Variants in PLEKHA6 observed in about 807,000 individuals in gnomAD.
The protein encoded by PLEKHA6 is pleckstrin homology domain containing A6.
A neutral mutation model predicts 116.7 loss-of-function variants in PLEKHA6; 60 were observed. That is an observed-to-expected ratio of 0.51 (90% confidence interval 0.42 to 0.64). The LOEUF (loss-of-function observed/expected upper bound fraction) is 0.64. PLEKHA6 is among the 30% of genes least tolerant of loss of function. PLEKHA6 has a pLI of 0.00. For synonymous variants in PLEKHA6, 489 were observed against 556.1 expected (o/e 0.88, Z 1.70); for missense variants, 1,338 against 1,422.7 (o/e 0.94, Z 0.96).
intron 1 of PLEKHA6, among the ~76,000 whole-genome samples, chr1:204,329,781 C>A (rs181220129): frequency 6.6e-6 from 1 of 151,992 alleles, no homozygotes; most frequent in East Asian, 1.9e-4. Context: ...AAGCTGCATG[C>A]AGTGACTCAT....
rs749636987 is a variant in PLEKHA6, at chr1:204,228,772, C to T, written c.2841G>A (p.Lys947=). The T allele has an allele frequency of 1.8e-5, 29 of 1,614,004 alleles. No individual in the cohort carries two copies. The highest frequency in any genetic ancestry group is 2.5e-5 in the Non-Finnish European group (29 of 1,179,934). Residue 947 remains lysine, a synonymous_variant, in exon 20 of 23, where the codon AAG becomes AAA. Coordinates refer to ENST00000272203, the MANE Select transcript of PLEKHA6 (RefSeq NM_014935.5). This position sits in a 1 kb window ranked among gnomAD's most constrained non-coding sequence, Gnocchi z 4.0. ...TPLSPEELKE[K]QKKVERIKTL... ...TCTTGATCCTCTCCACCTTCTTCTGCTTCTCCTTCAACTCCTCAGGGCTCA... is the reference window on the plus strand; with the variant it reads ...TCTTGATCCTCTCCACCTTCTTCTGTTTCTCCTTCAACTCCTCAGGGCTCA...
At chr1:204,362,759 T>C (rs1424337365), upstream of PLEKHA6, among the ~76,000 whole-genome samples, 1 of 152,160 alleles carries the variant, frequency 6.6e-6, no homozygotes, top group Non-Finnish European at 1.5e-5. Flanking sequence ...GTTGCCCAGA[T>C]TGGTCTCCAT....
intron 1 of PLEKHA6, among the ~76,000 whole-genome samples, chr1:204,356,542 G>A (rs1345887206): frequency 6.6e-6 from 1 of 151,508 alleles, no homozygotes; most frequent in Non-Finnish European, 1.5e-5. Flanking sequence ...ACTCCAGCCT[G>A]GACAACAGAA....
chr1:204,343,893 G>T (rs1037172189), intron 1 of PLEKHA6, among the ~76,000 whole-genome samples: 24 of 152,234 alleles, frequency 1.6e-4, no homozygotes, highest in African/African-American at 5.8e-4. Context: ...AATAGACTCT[G>T]ACACCAGGAG....
At chr1:204,226,144 T>C (rs11240699) in intron 21 of PLEKHA6, among the ~76,000 whole-genome samples, 105,044 of 152,160 alleles carry the variant, frequency 0.69, 36,526 homozygotes, top group East Asian at 0.82. Context: ...CCAGGACCAG[T>C]CTTGCTGTGC....
chr1:204,284,080 G>T (rs1047240842), intron 1 of PLEKHA6, among the ~76,000 whole-genome samples: 3 of 152,186 alleles, frequency 2.0e-5, no homozygotes, highest in Middle Eastern at 3.2e-3. Context: ...CTCTCGCCGG[G>T]ATCAGTGTGC....
chr1:204,317,134 G>T, intron 1 of PLEKHA6: 1 of 477,076 alleles, frequency 2.1e-6, no homozygotes, highest in Non-Finnish European at 2.7e-6. Context: ...GCTCTTCTGA[G>T]CATAAAATAA....
Position 204,219,220 on chromosome 1 carries a change from C to CGT in PLEKHA6, c.*3566_*3567dup, listed in dbSNP as rs375763839. The CGT allele has an allele frequency of 0.037, 5,485 of 146,636 alleles. 157 individuals are homozygous for CGT. Among genetic ancestry groups the CGT allele is most frequent in the Admixed American group, 0.096 (1,405 of 14,672 alleles). The allele number at this position is 146,636 out of a possible 1,614,324, so 9.1% of individuals were successfully genotyped here. On this transcript the variant is annotated 3_prime_UTR_variant, in exon 23 of 23. Transcript: ENST00000272203. ...CCCAATATGTGCATAAATAGATATA[C>CGT]GTGTGTGTGTGTGTGTGTGTGTATA... is the stretch of plus-strand genomic sequence containing the variant.
At chr1:204,348,986 G>A (rs1010476203) in intron 1 of PLEKHA6, among the ~76,000 whole-genome samples, 7 of 152,222 alleles carry the variant, frequency 4.6e-5, no homozygotes, top group African/African-American at 1.7e-4. Flanking sequence ...GGAGGGGTTA[G>A]CTTCAGCCCA....
At chr1:204,327,357 C>CA (rs1672278331) in intron 1 of PLEKHA6, among the ~76,000 whole-genome samples, 1 of 152,188 alleles carries the variant, frequency 6.6e-6, no homozygotes. Context: ...TCTCAAGGCC[C>CA]ACAGAGGGTG....
At chr1:204,362,106 T>G (rs1271300094), upstream of PLEKHA6, among the ~76,000 whole-genome samples, 3 of 151,980 alleles carry the variant, frequency 2.0e-5, no homozygotes, top group Admixed American at 2.0e-4. Context: ...GGAGGGTCGG[T>G]GTGGGGTGCA....
intron 9 of PLEKHA6, chr1:204,255,499 C>T: frequency 1.6e-6 from 1 of 622,070 alleles, no homozygotes; most frequent in East Asian, 2.8e-5. Context: ...AAACATAAGC[C>T]ACTTTGTTGT....
At position 204,247,384 on chromosome 1, in the gene PLEKHA6, T is replaced by C. The variant is rs1663850633; in HGVS notation, c.1901A>G (p.Gln634Arg). 19 of 1,612,152 alleles carry C rather than the reference T, an allele frequency of 1.2e-5. No individual in the cohort carries two copies. The highest frequency in any genetic ancestry group is 1.6e-5 in the Non-Finnish European group (19 of 1,178,478). The change falls in exon 13 of 23, where the codon CAG becomes CGG. Residue 634 changes from glutamine to arginine, a missense_variant. Coordinates refer to ENST00000272203, the MANE Select transcript of PLEKHA6 (RefSeq NM_014935.5). The part of the protein sequence containing the change: ...VSALHDDLWE[Q>R]LNLDTQNEVL... ...CTTCACCTGGGTGTCCAAATTGAGCTGCTCCCAGAGGTCATCGTGCAGGGC... is the reference window on the plus strand; with the variant it reads ...CTTCACCTGGGTGTCCAAATTGAGCCGCTCCCAGAGGTCATCGTGCAGGGC...
chr1:204,251,386 TAAGG>T (rs1398699449), intron 9 of PLEKHA6: 5 of 566,316 alleles, frequency 8.8e-6, no homozygotes, highest in Admixed American at 3.1e-5. Context: ...ATAGTGGAAT[TAAGG>T]AAGGAAGACC....
At chr1:204,362,586 A>G (rs957700706), upstream of PLEKHA6, among the ~76,000 whole-genome samples, 1 of 152,198 alleles carries the variant, frequency 6.6e-6, no homozygotes, top group South Asian at 2.1e-4. Flanking sequence ...AACTAGGGGC[A>G]GCAAAGGGAG....
chr1:204,336,390 A>G (rs1299941566), intron 1 of PLEKHA6, among the ~76,000 whole-genome samples: 2 of 152,216 alleles, frequency 1.3e-5, no homozygotes, highest in African/African-American at 4.8e-5. Context: ...AAGGTCTTTT[A>G]CAATCCAGCC....
intron 1 of PLEKHA6, among the ~76,000 whole-genome samples, chr1:204,319,930 C>T (rs932362047): frequency 6.6e-6 from 1 of 152,040 alleles, no homozygotes; most frequent in African/African-American, 2.4e-5. Context: ...CAAACCAGTT[C>T]AATGGAATCA....
chr1:204,304,845 A>G (rs1671137743), intron 1 of PLEKHA6, among the ~76,000 whole-genome samples: 1 of 152,208 alleles, frequency 6.6e-6, no homozygotes, highest in South Asian at 2.1e-4. Context: ...GGGGAAATTA[A>G]TACACATACT....
At chr1:204,360,323 G>T (rs1471408694), upstream of PLEKHA6, among the ~76,000 whole-genome samples, 1 of 152,272 alleles carries the variant, frequency 6.6e-6, no homozygotes, top group South Asian at 2.1e-4. Context: ...ACTCCAGAGA[G>T]GGGCACGTCT....
Sources: gnomAD v4.1 joint callset for allele counts (sites outside exome capture counted in the v4.1 genomes callset) on GRCh38, gnomAD v4.1.1 for gene constraint, Gnocchi (gnomAD v3.1) non-coding constraint, MANE v1.5 for transcripts, NCBI Gene and HGNC (gene_info 2026-07-23, HGNC 2026-07-21) for gene names.